Variants in GPATCH8 observed in about 807,000 individuals in gnomAD.
The protein encoded by GPATCH8 is G patch domain-containing protein 8.
A neutral mutation model predicts 118.3 loss-of-function variants in GPATCH8; 18 were observed. The ratio of observed to expected loss-of-function variants is 0.15; its 90% CI spans 0.11 to 0.23. The LOEUF is 0.23. Ranked by LOEUF, GPATCH8 falls within the 10% of genes least tolerant of loss-of-function variation. The pLI is 1.00. For synonymous variants in GPATCH8, 659 were observed against 684.7 expected (o/e 0.96, Z 0.59); for missense variants, 1,631 against 1,873.8 (o/e 0.87, Z 2.39).
At chr17:44,426,798 G>C (rs1326647302) in intron 5 of GPATCH8, among the ~76,000 whole-genome samples, 2 of 151,354 alleles carry the variant, frequency 1.3e-5, no homozygotes, top group Non-Finnish European at 2.9e-5. Flanking sequence ...AAACAATCAA[G>C]AAGGGGAAGA....
intron 2 of GPATCH8, chr17:44,467,245 T>C (rs2051804664): frequency 2.8e-6 from 1 of 356,878 alleles, no homozygotes; most frequent in South Asian, 2.1e-5. Context: ...AAAGCATAAG[T>C]AAATTCACGA....
At chr17:44,449,762 C>T (rs1355890443) in intron 3 of GPATCH8, among the ~76,000 whole-genome samples, 5 of 152,216 alleles carry the variant, frequency 3.3e-5, no homozygotes. Flanking sequence ...ATCCGCCCGC[C>T]TCAGCCTCCC....
chr17:44,463,358 C>A (rs999100075), intron 3 of GPATCH8, among the ~76,000 whole-genome samples: 2 of 152,188 alleles, frequency 1.3e-5, no homozygotes, highest in South Asian at 4.1e-4. Context: ...TCCCGCATGA[C>A]CAGATGTAGA....
chr17:44,410,098 T>A (rs1329495724), intron 6 of GPATCH8, among the ~76,000 whole-genome samples: 2 of 152,202 alleles, frequency 1.3e-5, no homozygotes, highest in African/African-American at 4.8e-5. Context: ...GGCCAGAAAC[T>A]TCTCAGCTTC....
chr17:44,396,747 G>A lies in GPATCH8; in HGVS notation c.*821C>T, dbSNP rs768592358. On this transcript the variant is annotated 3_prime_UTR_variant, in exon 8 of 8. Transcript: ENST00000591680. ...ATGAGCTACAAAAAGCAGCATTTAC[G>A]TTTATAGAGTTCAGTGCAATTTTTT... is the stretch of plus-strand genomic sequence containing the variant. 8 of 452,486 alleles carry A rather than the reference G, an allele frequency of 1.8e-5. No homozygotes were observed. Among genetic ancestry groups the A allele is most frequent in the South Asian group, 3.1e-5 (2 of 63,940 alleles). 28.0% of individuals were successfully genotyped at this position (452,486 alleles called of 1,614,324 possible).
rs775813278 is a variant in GPATCH8 at position 44,399,875 on chromosome 17, T to G, written c.2202A>C (p.Glu734Asp). ...PADSERGPKP[E>D]PPGSGSPAPP... ...GTGCGGGACTGCCACTCCCAGGGGG[T>G]TCTGGTTTGGGTCCTCGTTCAGAAT... Residue 734 changes from glutamate to aspartate, a missense_variant, in exon 8 of 8, where the codon GAA becomes GAC. Physicochemically the swap from Glu to Asp is conservative, Grantham distance 45 (BLOSUM62 2). This residue lies in a region of GPATCH8 where 922 missense variants were observed against 879.7 expected (regional missense o/e 1.05). Transcript: ENST00000591680. The G allele has an allele frequency of 6.2e-7, 1 of 1,613,566 alleles. No homozygotes were observed. The highest frequency in any genetic ancestry group is 8.5e-7 in the Non-Finnish European group (1 of 1,179,874).
chr17:44,499,296 G>GT (rs1447237478), intron 1 of GPATCH8, among the ~76,000 whole-genome samples: 1 of 152,044 alleles, frequency 6.6e-6, no homozygotes, highest in East Asian at 1.9e-4. Context: ...GTGAAACCCC[G>GT]TCTCTACTAA....
chr17:44,420,552 G>T (rs2049861048), intron 6 of GPATCH8, among the ~76,000 whole-genome samples: 1 of 152,120 alleles, frequency 6.6e-6, no homozygotes, highest in Non-Finnish European at 1.5e-5. Context: ...ATGTACAGAG[G>T]CATTGCCAAG....
At chr17:44,443,552 A>G (rs1314346592) in intron 3 of GPATCH8, among the ~76,000 whole-genome samples, 3 of 152,226 alleles carry the variant, frequency 2.0e-5, no homozygotes, top group African/African-American at 7.2e-5. Flanking sequence ...TTAAAAAAAA[A>G]GGAAAAACTT....
At chr17:44,471,040 A>T (rs1162843538) in intron 2 of GPATCH8, among the ~76,000 whole-genome samples, 2 of 152,244 alleles carry the variant, frequency 1.3e-5, no homozygotes, top group African/African-American at 2.4e-5. Context: ...CGTAATAGGG[A>T]TAAAATGTTC....
intron 3 of GPATCH8, among the ~76,000 whole-genome samples, chr17:44,451,326 C>G (rs1038161073): frequency 1.3e-5 from 2 of 152,152 alleles, no homozygotes; most frequent in African/African-American, 4.8e-5. Flanking sequence ...CTCCTAGCCT[C>G]AAGTGATCCA....
In GPATCH8 at chr17:44,397,895, G is replaced by A. The variant is rs147611277; in HGVS notation, c.4182C>T (p.His1394=). Residue 1394 remains histidine (H), a synonymous_variant, in exon 8 of 8, where the codon CAC becomes CAT. Coordinates refer to ENST00000591680, the MANE Select transcript of GPATCH8 (RefSeq NM_001002909.4). ...CAAGTGGTTGGGGATGGGGGTGAGG[G>A]TGAATGCCGATGGCGGCAGCAGCTG... ...AAAAAAAIGI[H]PHPHPQPLAQ... 130 of 1,611,178 alleles carry A rather than the reference G, an allele frequency of 8.1e-5. 1 individual carries two copies. Among genetic ancestry groups the A allele is most frequent in the Non-Finnish European group, 1.1e-4 (126 of 1,177,642 alleles).
chr17:44,444,506 C>CT, intron 3 of GPATCH8, among the ~76,000 whole-genome samples: 1 of 151,802 alleles, frequency 6.6e-6, no homozygotes, highest in East Asian at 1.9e-4. Context: ...GGCATGGTGG[C>CT]TCACGGCTGT....
At chr17:44,424,559 G>C in intron 5 of GPATCH8, 67 bp from the exon 6 acceptor site, 1 of 1,154,020 alleles carries the variant, frequency 8.7e-7, no homozygotes, top group Non-Finnish European at 1.3e-6. Flanking sequence ...GAATGTTATA[G>C]AGAAAACAGT....
At position 44,452,284 on chromosome 17, in the gene GPATCH8, A is replaced by G. The variant is rs551783704; in HGVS notation, c.193+12188T>C. ...CAACACTCCGTCTCAAAAAAAAAAA[A>G]AAAAAGAAAAAAAAAAAAAGGAAAA... On this transcript the variant is annotated intron_variant, in intron 3 of 7. Transcript: ENST00000591680. Among the ~76,000 whole-genome samples the G allele has an allele frequency of 8.0e-5, 12 of 150,784 alleles. No individual in the cohort carries two copies. The East Asian group carries it at 1.9e-3, about 24-fold the overall frequency.
intron 1 of GPATCH8, among the ~76,000 whole-genome samples, chr17:44,477,578 A>T (rs1398550652): frequency 6.6e-6 from 1 of 152,118 alleles, no homozygotes; most frequent in Non-Finnish European, 1.5e-5. Flanking sequence ...ATTTTATGTT[A>T]CACATATTTT....
At chr17:44,414,113 A>ATG (rs1315306246) in intron 6 of GPATCH8, among the ~76,000 whole-genome samples, 20 of 83,310 alleles carry the variant, frequency 2.4e-4, no homozygotes, top group Non-Finnish European at 4.2e-4. Context: ...GTGTATATAT[A>ATG]TATGTATATA....
intron 1 of GPATCH8, among the ~76,000 whole-genome samples, chr17:44,483,902 C>T (rs55809302): frequency 0.022 from 3,293 of 152,066 alleles, 45 homozygotes; most frequent in Admixed American, 0.036. Flanking sequence ...AGCACAGTGG[C>T]GTGATCTCAG....
chr17:44,426,844 ACACACTCT>A (rs1476627045), intron 5 of GPATCH8, among the ~76,000 whole-genome samples: 5 of 90,634 alleles, frequency 5.5e-5, no homozygotes, highest in Non-Finnish European at 1.0e-4. Context: ...CAACACACAC[ACACACTCT>A]CTCTCTCTCT....
Sources: allele counts gnomAD v4.1 joint callset (sites outside exome capture counted in the v4.1 genomes callset), GRCh38; gene constraint gnomAD v4.1.1; regional missense constraint gnomAD v4.1.1; transcripts MANE v1.5; gene names NCBI Gene and HGNC (gene_info 2026-07-23, HGNC 2026-07-21).